The following CCDC201 variants were observed in gnomAD, a reference collection of about 807,000 sequenced individuals.
The protein encoded by CCDC201 is coiled-coil domain-containing protein 201.
At chr7:45,877,530 A>G (rs1786826303), upstream of CCDC201, among the ~76,000 whole-genome samples, 1 of 152,224 alleles carries the variant, frequency 6.6e-6, no homozygotes, top group Non-Finnish European at 1.5e-5. Flanking sequence ...AGGTCATCTC[A>G]GGAAACTTAC....
In CCDC201 at chr7:45,872,167, C is replaced by G. The variant is rs573478490; in HGVS notation, c.18+823G>C. Reference sequence around the variant, plus strand: ...ATACTTTTGATCACTTTTGAAACCACAGGCATGCATTTTCTATTTATAAAT... The same window carrying G: ...ATACTTTTGATCACTTTTGAAACCAGAGGCATGCATTTTCTATTTATAAAT... On this transcript the variant is annotated intron_variant, in intron 1 of 2. Coordinates refer to ENST00000636578, the Ensembl canonical transcript of CCDC201. Among the ~76,000 whole-genome samples the G allele has an allele frequency of 3.9e-5, 6 of 152,316 alleles. No homozygotes were observed. The East Asian group carries it at 9.7e-4, about 25-fold the overall frequency.
chr7:45,880,796 G>A, the CCDC201 span, among the ~76,000 whole-genome samples: 2 of 152,228 alleles, frequency 1.3e-5, no homozygotes, highest in Non-Finnish European at 2.9e-5. Context: ...AAGGGCCTGG[G>A]GACCTGAGGA....
intron 2 of CCDC201, among the ~76,000 whole-genome samples, chr7:45,864,502 G>A (rs1036215645): frequency 6.6e-6 from 1 of 152,164 alleles, no homozygotes; most frequent in East Asian, 1.9e-4. Flanking sequence ...GTTAACCCCC[G>A]GGTGACCCTT....
the CCDC201 span, among the ~76,000 whole-genome samples, chr7:45,884,458 C>T: frequency 6.6e-6 from 1 of 152,164 alleles, no homozygotes; most frequent in African/African-American, 2.4e-5. Context: ...GTGGTGGTGG[C>T]CTGCTGCCCT....
chr7:45,883,284 C>T, the CCDC201 span, among the ~76,000 whole-genome samples: 1 of 152,058 alleles, frequency 6.6e-6, no homozygotes, highest in African/African-American at 2.4e-5. Flanking sequence ...CACACACACC[C>T]CAACACACAC....
At chr7:45,870,697 A>G (rs529106197) in intron 1 of CCDC201, among the ~76,000 whole-genome samples, 9 of 152,354 alleles carry the variant, frequency 5.9e-5, no homozygotes, top group Non-Finnish European at 1.0e-4. Context: ...AAAAAAATAC[A>G]GAAAATCAGA....
intron 1 of CCDC201, among the ~76,000 whole-genome samples, chr7:45,872,755 A>G (rs1377846676): frequency 6.6e-6 from 1 of 151,822 alleles, no homozygotes; most frequent in African/African-American, 2.4e-5. Context: ...TCAAGAGGAG[A>G]CTCTGGGCAA....
At chr7:45,880,172 C>G in the CCDC201 span, among the ~76,000 whole-genome samples, 1 of 152,164 alleles carries the variant, frequency 6.6e-6, no homozygotes, top group Non-Finnish European at 1.5e-5. Context: ...AACTTATACT[C>G]TCATACATTG....
At chr7:45,864,688 A>G (rs1264836241) in intron 2 of CCDC201, among the ~76,000 whole-genome samples, 1 of 152,214 alleles carries the variant, frequency 6.6e-6, no homozygotes, top group Non-Finnish European at 1.5e-5. Context: ...GAGAGAAGAC[A>G]GCAAGCAAGC....
At chr7:45,877,827 T>C (rs1208516345), upstream of CCDC201, among the ~76,000 whole-genome samples, 1 of 152,144 alleles carries the variant, frequency 6.6e-6, no homozygotes, top group East Asian at 1.9e-4. Context: ...CAAAATACAA[T>C]CATTTCTTCT....
chr7:45,877,179 C>T (rs1014119082), upstream of CCDC201, among the ~76,000 whole-genome samples: 2 of 152,232 alleles, frequency 1.3e-5, no homozygotes, highest in African/African-American at 2.4e-5. Context: ...TTAGCACCTT[C>T]TCTCTCTACA....
At chr7:45,873,170 T>G (rs1786760595), upstream of CCDC201, 1 of 152,244 alleles carries the variant, frequency 6.6e-6, no homozygotes, top group Non-Finnish European at 1.5e-5. Flanking sequence ...ATTGCACAGG[T>G]GTGGGGCAGG....
the CCDC201 span, among the ~76,000 whole-genome samples, chr7:45,883,173 T>G: frequency 6.6e-6 from 1 of 152,086 alleles, no homozygotes; most frequent in African/African-American, 2.4e-5. Context: ...GGATTCATAG[T>G]TCTTTATCAA....
At chr7:45,884,125 G>A in the CCDC201 span, among the ~76,000 whole-genome samples, 1 of 149,430 alleles carries the variant, frequency 6.7e-6, no homozygotes, top group African/African-American at 2.5e-5. Context: ...TCTTGAGACA[G>A]GGTCTCACTC....
At position 45,866,024 on chromosome 7, in the gene CCDC201, G is replaced by A. The variant is rs1275021169; in HGVS notation, c.477+12C>T. ...GGGAAAGGGATGGGGCAGGGACAGG[G>A]TTAATGCATACCGCAGCTGCCCGCT... On this transcript the variant is annotated intron_variant, in intron 2 of 2. Coordinates refer to ENST00000636578, the Ensembl canonical transcript of CCDC201. The A allele has an allele frequency of 1.9e-5, 3 of 156,072 alleles. No homozygotes were observed. The highest frequency in any genetic ancestry group is 4.3e-5 in the Non-Finnish European group (3 of 70,264). 9.7% of individuals were successfully genotyped at this position (156,072 alleles called of 1,614,324 possible).
At chr7:45,869,820 T>TTG in intron 1 of CCDC201, among the ~76,000 whole-genome samples, 1 of 71,600 alleles carries the variant, frequency 1.4e-5, no homozygotes, top group Non-Finnish European at 3.5e-5. Flanking sequence ...TTGCTCCACA[T>TTG]TTTTTTTTTT....
chr7:45,881,783 G>C, the CCDC201 span, among the ~76,000 whole-genome samples: 1 of 152,176 alleles, frequency 6.6e-6, no homozygotes, highest in African/African-American at 2.4e-5. Context: ...TTCAGACCCT[G>C]GTCTTCTGAC....
At chr7:45,866,154 T>TGCTGCTGCCGCTGCC (rs1554347497) in exon 2 of CCDC201, 8 of 204,668 alleles carry the variant, frequency 3.9e-5, no homozygotes, top group Non-Finnish European at 8.0e-5. Context: ...CTGCTGCTGC[T>TGCTGCTGCCGCTGCC]GCTGCCGCTG....
chr7:45,884,042 C>T, the CCDC201 span, among the ~76,000 whole-genome samples: 1 of 150,280 alleles, frequency 6.7e-6, no homozygotes, highest in Non-Finnish European at 1.5e-5. Flanking sequence ...TTCCTTCCTT[C>T]CTTCTCTCCA....
Sources: gnomAD v4.1 joint callset for allele counts (sites outside exome capture counted in the v4.1 genomes callset) on GRCh38, gnomAD v4.1.1 for gene constraint, MANE v1.5 for transcripts, NCBI Gene and HGNC (gene_info 2026-07-23, HGNC 2026-07-21) for gene names.